The following ZNF292 variants were observed in gnomAD, a reference collection of about 807,000 sequenced individuals.
The protein encoded by ZNF292 is 16 zinc-finger domain protein.
Under a neutral mutation model 217.9 loss-of-function variants are expected in ZNF292, and 26 were observed. The ratio of observed to expected loss-of-function variants is 0.12; its 90% CI spans 0.09 to 0.17. The LOEUF (loss-of-function observed/expected upper bound fraction) is 0.17, where lower values mean the gene tolerates loss of function less well. ZNF292 is among the 10% of genes least tolerant of loss of function. ZNF292 has a pLI of 1.00. For synonymous variants in ZNF292, 1,257 were observed against 1,124.1 expected, an observed-to-expected ratio of 1.12 and a Z score of -2.37; for missense variants, 2,904 against 3,175.2, an observed-to-expected ratio of 0.91 and a Z score of 2.05.
At chr6:87,244,764 A>G (rs902147041) in intron 6 of ZNF292, among the ~76,000 whole-genome samples, 2 of 152,264 alleles carry the variant, frequency 1.3e-5, no homozygotes, top group Admixed American at 1.3e-4. Context: ...CTTATTGTCA[A>G]TTTTAAATTT....
intron 1 of ZNF292, among the ~76,000 whole-genome samples, chr6:87,180,044 C>G (rs1171203600): frequency 6.6e-6 from 1 of 152,152 alleles, no homozygotes; most frequent in Non-Finnish European, 1.5e-5. Context: ...GGAGCCTAAC[C>G]CTTTAGGCCA....
intron 7 of ZNF292, among the ~76,000 whole-genome samples, chr6:87,251,770 G>T (rs1339455765): frequency 1.3e-5 from 2 of 152,080 alleles, no homozygotes; most frequent in Non-Finnish European, 2.9e-5. Context: ...ACACATGAAA[G>T]GTCAGAAGGA....
Position 87,255,779 on chromosome 6 carries a change from T to C in ZNF292, c.2150T>C (p.Met717Thr). 9.9e-6 allele frequency: 16 copies of C among 1,613,860 alleles called. No homozygotes were observed. Among genetic ancestry groups the C allele is most frequent in the Non-Finnish European group, 1.3e-5 (15 of 1,179,836 alleles). The change falls in exon 8 of 8, where the codon ATG (methionine) becomes ACG (threonine). Residue 717 changes from methionine (M) to threonine (T), a missense_variant. By Grantham distance (81) the Met-to-Thr change is moderately conservative (BLOSUM62 -1). Transcript: ENST00000369577. ...DNEDAKRFLE[M>T]QSKKVICQYC... ...GAAGACGCCAAGCGCTTTCTTGAAA[T>C]GCAGAGCAAAAAAGTTATTTGCCAG...
rs1449332749 is a variant in ZNF292 at position 87,264,154 on chromosome 6, G to A, written c.*2353G>A. 1 of 152,100 alleles carries A rather than the reference G, an allele frequency of 6.6e-6. No individual in the cohort carries two copies. Among genetic ancestry groups the A allele is most frequent in the Non-Finnish European group, 1.5e-5 (1 of 68,000 alleles). The allele number at this position is 152,100 out of a possible 1,614,324, so 9.4% of individuals were successfully genotyped here. On this transcript the variant is annotated 3_prime_UTR_variant, in exon 8 of 8. Transcript: ENST00000369577. ...GGTAAATTTTGATACGGAATGTAAT[G>A]TCTAAGTATTAAAAAATCATAAAAT...
At chr6:87,182,007 A>G (rs116618196) in intron 1 of ZNF292, among the ~76,000 whole-genome samples, 358 of 152,222 alleles carry the variant, frequency 2.4e-3, no homozygotes, top group African/African-American at 8.1e-3. Flanking sequence ...ACCAGATGCA[A>G]TGGGCTAAAG....
chr6:87,265,900 A>G lies in ZNF292; in HGVS notation c.*4099A>G, dbSNP rs1054146379. Among the ~76,000 whole-genome samples the G allele has an allele frequency of 1.3e-5, 2 of 152,186 alleles. No individual in the cohort carries two copies. The highest frequency in any genetic ancestry group is 4.8e-5 in the African/African-American group (2 of 41,452). On this transcript the variant is annotated 3_prime_UTR_variant, in exon 8 of 8. Coordinates refer to ENST00000369577, the MANE Select transcript of ZNF292 (RefSeq NM_015021.3). Reference sequence around the variant, plus strand: ...AGTAATGCTCATTGAATTTCAAGTAATTGTGATTAAACGTTGATTAAAATC... The same window carrying G: ...AGTAATGCTCATTGAATTTCAAGTAGTTGTGATTAAACGTTGATTAAAATC...
At chr6:87,205,621 C>T (rs1772227518) in intron 1 of ZNF292, among the ~76,000 whole-genome samples, 2 of 151,922 alleles carry the variant, frequency 1.3e-5, no homozygotes, top group African/African-American at 4.8e-5. Flanking sequence ...GATTTTAAAA[C>T]ATCTTTATTG....
At chr6:87,156,699 A>T (rs142992909) in intron 1 of ZNF292, among the ~76,000 whole-genome samples, 10 of 152,348 alleles carry the variant, frequency 6.6e-5, no homozygotes, top group African/African-American at 2.2e-4. Flanking sequence ...TTGCTTGCCC[A>T]AGGGCACTGC....
At chr6:87,178,111 T>C (rs1281746814) in intron 1 of ZNF292, among the ~76,000 whole-genome samples, 2 of 152,214 alleles carry the variant, frequency 1.3e-5, no homozygotes, top group African/African-American at 2.4e-5. Flanking sequence ...CTATTCAAAT[T>C]CTACATTTTC....
Position 87,257,195 on chromosome 6 carries a change from C to T in ZNF292, c.3566C>T (p.Pro1189Leu), listed in dbSNP as rs745792944. ...ACSAQLQHVS[P>L]PIFPAHLASV... is the part of the protein sequence containing the mutation. ...TCGGCCCAGTTGCAGCATGTCTCGCCACCCATTTTTCCAGCTCATTTAGCA... is the reference window on the plus strand; with the variant it reads ...TCGGCCCAGTTGCAGCATGTCTCGCTACCCATTTTTCCAGCTCATTTAGCA... Residue 1189 changes from proline (P) to leucine (L), a missense_variant, in exon 8 of 8, where the codon CCA (proline) becomes CTA (leucine). Pro to Leu is a moderately conservative substitution (Grantham distance 98). Around this residue, in one of 15 missense-constraint regions of ZNF292, gnomAD observed 687 missense variants for 623.0 expected, o/e 1.10. Coordinates refer to ENST00000369577, the MANE Select transcript of ZNF292 (RefSeq NM_015021.3). The T allele has an allele frequency of 1.2e-6, 2 of 1,613,890 alleles. No homozygotes were observed. Among genetic ancestry groups the T allele is most frequent in the East Asian group, 2.2e-5 (1 of 44,882 alleles).
chr6:87,213,956 A>G (rs531336802), intron 1 of ZNF292: 2 of 152,186 alleles, frequency 1.3e-5, no homozygotes, highest in African/African-American at 4.8e-5. Context: ...GAGAAAGAGG[A>G]TCAAGAGATG....
At position 87,239,363 on chromosome 6, in the gene ZNF292, C is replaced by T. The variant is rs1489173774; in HGVS notation, c.742-4112C>T. Among the ~76,000 whole-genome samples, 3 of 149,062 alleles carry T rather than the reference C, an allele frequency of 2.0e-5. No homozygotes were observed. The East Asian group carries it at 6.0e-4, about 30-fold the overall frequency. ...CCAGGCGGGGGCTGCCCCCCACCTC[C>T]CTCCCTGACGGGGCGGCTGGCGGGC... On this transcript the variant is annotated intron_variant, in intron 5 of 7. Coordinates refer to ENST00000369577, the MANE Select transcript of ZNF292 (RefSeq NM_015021.3).
intron 6 of ZNF292, among the ~76,000 whole-genome samples, chr6:87,244,057 CTTAG>C (rs1191156563): frequency 1.6e-5 from 1 of 60,748 alleles, no homozygotes. Flanking sequence ...CTTAAATTAG[CTTAG>C]CTAACACTGA....
rs1331891197 is a variant in ZNF292 at position 87,258,223 on chromosome 6, A to G, written c.4594A>G (p.Thr1532Ala). 1.2e-6 allele frequency: 2 copies of G among 1,612,432 alleles called. No homozygotes were observed. The highest frequency in any genetic ancestry group is 1.1e-5 in the South Asian group (1 of 90,772). The change falls in exon 8 of 8, where the codon ACT becomes GCT. Residue 1532 changes from threonine to alanine, a missense_variant. This residue lies in a region of ZNF292 where 622 missense variants were observed against 573.1 expected (regional missense o/e 1.09). Transcript: ENST00000369577. ...QVNATVMPNP[T>A]VPPLLHTVCH... The stretch of plus-strand genomic sequence containing the variant: ...AAATGCAACGGTGATGCCAAATCCA[A>G]CTGTACCACCCCTGTTGCACACTGT...
chr6:87,193,803 A>G (rs567805932), intron 1 of ZNF292, among the ~76,000 whole-genome samples: 2 of 152,308 alleles, frequency 1.3e-5, no homozygotes, highest in South Asian at 4.1e-4. Context: ...TTATGTTTAG[A>G]CTTGGGTCTC....
At position 87,245,554 on chromosome 6, in the gene ZNF292, A is replaced by C. The variant is rs1238582598; in HGVS notation, c.930A>C (p.Ile310=). ...SKLQQRVEPS[I]QVYLERCRQL... ...TACAACAAAGAGTAGAACCATCTAT[A>C]CAAGTGTACCTTGAGAGGTGTCGTC... is the stretch of plus-strand genomic sequence containing the variant. Residue 310 remains isoleucine (I), a synonymous_variant, in exon 7 of 8, where the codon ATA becomes ATC. Transcript: ENST00000369577. The C allele has an allele frequency of 6.4e-7, 1 of 1,560,972 alleles. No homozygotes were observed. The highest frequency in any genetic ancestry group is 1.2e-5 in the South Asian group (1 of 83,098).
Position 87,249,897 on chromosome 6 carries a change from A to G in ZNF292, c.1020+4253A>G, listed in dbSNP as rs1401827308. On this transcript the variant is annotated intron_variant, in intron 7 of 7. Coordinates refer to ENST00000369577, the MANE Select transcript of ZNF292 (RefSeq NM_015021.3). ...GCTAATTTTTGTATTTTTAGTAGAG[A>G]CAGGGTTTTACTATGTTTGCCAGGC... Among the ~76,000 whole-genome samples, 4 of 151,986 alleles carry G rather than the reference A, an allele frequency of 2.6e-5. No homozygotes were observed. The East Asian group carries it at 7.8e-4, about 29-fold the overall frequency.
At chr6:87,159,770 C>T (rs866960261) in intron 1 of ZNF292, among the ~76,000 whole-genome samples, 1 of 152,028 alleles carries the variant, frequency 6.6e-6, no homozygotes, top group African/African-American at 2.4e-5. Context: ...TGAGCCACCA[C>T]GCCCGGCCCT....
rs554012118 is a variant in ZNF292, at chr6:87,259,518, C to T, written c.5889C>T (p.Asn1963=). The change falls in exon 8 of 8, where the codon AAC becomes AAT. Residue 1963 remains asparagine, a synonymous_variant. Coordinates refer to ENST00000369577, the MANE Select transcript of ZNF292 (RefSeq NM_015021.3). ...TCTKTFTRNS[N]LRAHCQLVHH... ...CAAAAACATTTACAAGAAATTCTAA[C>T]CTCCGGGCACACTGTCAGTTGGTGC... 4.2e-5 allele frequency: 67 copies of T among 1,587,358 alleles called. 1 individual carries two copies. The South Asian group carries it at 7.2e-4, about 17-fold the overall frequency.
Sources: gnomAD v4.1 joint callset for allele counts (sites outside exome capture counted in the v4.1 genomes callset) on GRCh38, gnomAD v4.1.1 for gene constraint, gnomAD v4.1.1 regional missense constraint, MANE v1.5 for transcripts, NCBI Gene and HGNC (gene_info 2026-07-23, HGNC 2026-07-21) for gene names.